The following THSD4 variants were observed in gnomAD, a reference collection of about 807,000 sequenced individuals.
The protein encoded by THSD4 is thrombospondin type-1 domain-containing protein 4.
In THSD4, 69 loss-of-function variants were observed where a neutral mutation model predicts 119.0. That is an observed-to-expected ratio of 0.58 (90% CI 0.48 to 0.71). THSD4 has a LOEUF of 0.71. Among genes scored for constraint, THSD4 ranks in the 30% least tolerant of loss-of-function variants. THSD4 has a pLI of 0.00. For synonymous variants in THSD4, 524 were observed against 540.4 expected (o/e 0.97, Z 0.42); for missense variants, 1,393 against 1,391.1 (o/e 1.00, Z -0.02).
At chr15:71,548,601 C>T (rs2048876809) in intron 7 of THSD4, among the ~76,000 whole-genome samples, 1 of 152,306 alleles carries the variant, frequency 6.6e-6, no homozygotes, top group African/African-American at 2.4e-5. Flanking sequence ...TTATTAGTTA[C>T]TCATGTCCTC....
chr15:71,719,270 G>A (rs948787885), intron 8 of THSD4, among the ~76,000 whole-genome samples: 6 of 152,184 alleles, frequency 3.9e-5, no homozygotes, highest in Non-Finnish European at 7.3e-5. Context: ...CTGATTTTCA[G>A]TCCAAATGTG....
chr15:71,290,443 G>C (rs1246842465), intron 6 of THSD4, among the ~76,000 whole-genome samples: 1 of 151,692 alleles, frequency 6.6e-6, no homozygotes, highest in Non-Finnish European at 1.5e-5. Context: ...TTTCCCCTCT[G>C]TTTGTCCTGT....
rs532303456 is a variant in THSD4, at chr15:71,130,085, CCAGGCTGCAGCCTG to C, written c.-79-11361_-79-11348del. 7.9e-5 allele frequency among the ~76,000 whole-genome samples: 12 copies of C among 152,258 alleles called. No homozygotes were observed. In the South Asian group the frequency reaches 2.5e-3, roughly 32 times the overall value. Reference sequence around the variant, plus strand: ...ACCCTACATCTTGCCTGGCAGGGGCCCAGGCTGCAGCCTGCATGCTGTGTACCAGGTAAATGTGA... The same window carrying C: ...ACCCTACATCTTGCCTGGCAGGGGCCCATGCTGTGTACCAGGTAAATGTGA... On this transcript the variant is annotated intron_variant, in intron 1 of 17. Coordinates refer to ENST00000261862, the MANE Select transcript of THSD4 (RefSeq NM_024817.3).
At chr15:71,309,585 T>C (rs1035922620) in intron 6 of THSD4, among the ~76,000 whole-genome samples, 2 of 152,214 alleles carry the variant, frequency 1.3e-5, no homozygotes, top group African/African-American at 4.8e-5. Flanking sequence ...TCTGAGGCCA[T>C]AACGATTTAC....
At chr15:71,533,000 T>C (rs1382622221) in intron 7 of THSD4, among the ~76,000 whole-genome samples, 1 of 152,220 alleles carries the variant, frequency 6.6e-6, no homozygotes. Flanking sequence ...TTTTGAGATA[T>C]TCACTTGCCA....
chr15:71,226,843 C>T (rs561657162), intron 4 of THSD4, among the ~76,000 whole-genome samples: 17 of 152,220 alleles, frequency 1.1e-4, no homozygotes, highest in Admixed American at 4.6e-4. Context: ...GGTAGTTAGC[C>T]GAGAAAACGG....
chr15:71,719,176 G>T (rs975943139), intron 8 of THSD4, among the ~76,000 whole-genome samples: 2 of 152,160 alleles, frequency 1.3e-5, no homozygotes, highest in Non-Finnish European at 2.9e-5. Context: ...ATTTAGCAAT[G>T]AAATAAGAAC....
intron 7 of THSD4, among the ~76,000 whole-genome samples, chr15:71,511,601 A>G (rs2048284269): frequency 6.6e-6 from 1 of 152,216 alleles, no homozygotes; most frequent in South Asian, 2.1e-4. Context: ...GCTTTTGCTT[A>G]ATTTTGTAAC....
At chr15:71,619,475 GTT>G (rs760065423) in intron 7 of THSD4, among the ~76,000 whole-genome samples, 91 of 152,158 alleles carry the variant, frequency 6.0e-4, no homozygotes, top group Admixed American at 2.6e-4. Flanking sequence ...CACCGGGAGA[GTT>G]ACGTTTGAGC....
intron 14 of THSD4, among the ~76,000 whole-genome samples, chr15:71,756,658 C>T (rs916365487): frequency 6.6e-6 from 1 of 152,134 alleles, no homozygotes; most frequent in Non-Finnish European, 1.5e-5. Context: ...GTCGTGAGCA[C>T]CTGGAGCTAC....
chr15:71,214,420 C>T (rs1026017337), intron 3 of THSD4, among the ~76,000 whole-genome samples: 4 of 152,236 alleles, frequency 2.6e-5, no homozygotes, highest in Non-Finnish European at 2.9e-5. Flanking sequence ...CGAAGGTCTG[C>T]GGCTTCATTC....
intron 7 of THSD4, among the ~76,000 whole-genome samples, chr15:71,501,409 G>A (rs1483236318): frequency 6.6e-6 from 1 of 152,182 alleles, no homozygotes; most frequent in Non-Finnish European, 1.5e-5. Flanking sequence ...CAGAAGCTGG[G>A]TATACCTCAA....
intron 7 of THSD4, among the ~76,000 whole-genome samples, chr15:71,516,365 ACCT>A (rs1171224976): frequency 7.2e-5 from 11 of 152,108 alleles, no homozygotes; most frequent in African/African-American, 2.4e-4. Flanking sequence ...TGGCCCAATC[ACCT>A]CTGCAACAAC....
intron 3 of THSD4, among the ~76,000 whole-genome samples, chr15:71,192,191 C>G (rs4777339): frequency 6.6e-6 from 1 of 151,832 alleles, no homozygotes; most frequent in Non-Finnish European, 1.5e-5. Context: ...TGTGAGCCAC[C>G]GCACCTGGCC....
intron 6 of THSD4, among the ~76,000 whole-genome samples, chr15:71,387,992 G>A (rs1043641776): frequency 6.6e-6 from 1 of 152,166 alleles, no homozygotes; most frequent in Admixed American, 6.5e-5. Flanking sequence ...TCCTGGGAGA[G>A]ACAGAGGCAT....
intron 7 of THSD4, among the ~76,000 whole-genome samples, chr15:71,586,375 T>C (rs2049670823): frequency 6.6e-6 from 1 of 152,142 alleles, no homozygotes; most frequent in African/African-American, 2.4e-5. Flanking sequence ...TGGGCTGAAA[T>C]CAAGGCATTT....
intron 6 of THSD4, among the ~76,000 whole-genome samples, chr15:71,294,438 T>C (rs2044834808): frequency 1.3e-5 from 2 of 152,192 alleles, no homozygotes; most frequent in African/African-American, 2.4e-5. Context: ...GTTGACATTC[T>C]TATCTGATGG....
At chr15:71,578,759 A>G (rs1361122453) in intron 7 of THSD4, among the ~76,000 whole-genome samples, 6 of 152,144 alleles carry the variant, frequency 3.9e-5, no homozygotes, top group African/African-American at 1.4e-4. Flanking sequence ...AATATATGAT[A>G]GTAAATAATG....
intron 6 of THSD4, among the ~76,000 whole-genome samples, chr15:71,275,658 C>T (rs983340983): frequency 6.6e-6 from 1 of 152,196 alleles, no homozygotes; most frequent in African/African-American, 2.4e-5. Context: ...TAAATCTCAT[C>T]TTGAATTGTA....
Sources: allele counts gnomAD v4.1 joint callset (sites outside exome capture counted in the v4.1 genomes callset), GRCh38; gene constraint gnomAD v4.1.1; transcripts MANE v1.5; gene names NCBI Gene and HGNC (gene_info 2026-07-23, HGNC 2026-07-21).